Variants in RFTN1 observed in about 807,000 individuals in gnomAD.
RFTN1 encodes the protein raftlin.
In RFTN1, 26 loss-of-function variants were observed where a neutral mutation model predicts 46.5. That is an observed-to-expected ratio of 0.56 (90% CI 0.41 to 0.78). The LOEUF (loss-of-function observed/expected upper bound fraction) is 0.78. Among genes scored for constraint, RFTN1 ranks in the 30% least tolerant of loss-of-function variants. The pLI, the probability that RFTN1 is intolerant of heterozygous loss-of-function variation, is 0.00. For missense variants in RFTN1, 693 were observed against 718.7 expected (o/e 0.96, Z 0.41); for synonymous variants, 261 against 284.2 (o/e 0.92, Z 0.82).
At position 16,489,338 on chromosome 3, in the gene RFTN1, A is replaced by G. The variant is rs996603270; in HGVS notation, c.145+4387T>C. Among the ~76,000 whole-genome samples the G allele has an allele frequency of 6.6e-6, 1 of 152,164 alleles. No homozygotes were observed. Among genetic ancestry groups the G allele is most frequent in the Non-Finnish European group, 1.5e-5 (1 of 68,026 alleles). ...CAGGCTGAGGCACAAGAATTATTTGAACCCAGGAGGTGAAGATTGCAGTGA... is the reference window on the plus strand; with the variant it reads ...CAGGCTGAGGCACAAGAATTATTTGGACCCAGGAGGTGAAGATTGCAGTGA... On this transcript the variant is annotated intron_variant, in intron 2 of 9. Transcript: ENST00000334133. This position sits in a 1 kb window ranked among gnomAD's most constrained non-coding sequence, Gnocchi z 4.0.
At position 16,474,014 on chromosome 3, in the gene RFTN1, C is replaced by G. The variant is rs966224644; in HGVS notation, c.145+19711G>C. Among the ~76,000 whole-genome samples the G allele has an allele frequency of 6.6e-6, 1 of 152,148 alleles. No homozygotes were observed. The highest frequency in any genetic ancestry group is 1.5e-5 in the Non-Finnish European group (1 of 68,024). The stretch of plus-strand genomic sequence containing the variant: ...TTGGAGAGGGATTGATTAGGACAAA[C>G]GCCCTCATTTTGCAGATGAAGGAAT... On this transcript the variant is annotated intron_variant, in intron 2 of 9. Transcript: ENST00000334133. This position sits in a 1 kb window ranked among gnomAD's most constrained non-coding sequence, Gnocchi z 5.5.
chr3:16,324,607 T>G (rs1444866576), intron 8 of RFTN1, among the ~76,000 whole-genome samples: 1 of 114,478 alleles, frequency 8.7e-6, no homozygotes, highest in Non-Finnish European at 1.8e-5. Flanking sequence ...TAACAGAATG[T>G]CCCTGACCCC....
At position 16,320,356 on chromosome 3, in the gene RFTN1, C is replaced by T. The variant is rs75169646; in HGVS notation, c.1332+3020G>A. Among the ~76,000 whole-genome samples, 7 of 152,334 alleles carry T rather than the reference C, an allele frequency of 4.6e-5. No homozygotes were observed. In the East Asian group the frequency reaches 9.6e-4, roughly 21 times the overall value. Reference sequence around the variant, plus strand: ...AAGAAGACTAAATATGCCACATCCTCGGTGTGCCAATCTTGCAGTTTCTTT... The same window carrying T: ...AAGAAGACTAAATATGCCACATCCTTGGTGTGCCAATCTTGCAGTTTCTTT... On this transcript the variant is annotated intron_variant, in intron 9 of 9. Coordinates refer to ENST00000334133, the MANE Select transcript of RFTN1 (RefSeq NM_015150.2). The surrounding 1 kb of genome is among the most constrained non-coding windows in gnomAD (Gnocchi z 4.5).
At position 16,411,111 on chromosome 3, in the gene RFTN1, TC is replaced by T. The variant is rs577876282; in HGVS notation, c.333-1629del. 3.0e-3 allele frequency among the ~76,000 whole-genome samples: 453 copies of T among 152,196 alleles called. 3 individuals carry two copies. The highest frequency in any genetic ancestry group is 0.01 in the African/African-American group (423 of 41,528). On this transcript the variant is annotated intron_variant, in intron 3 of 9. Transcript: ENST00000334133. ...ACTGGTGGAGGAGGGAGCAGAGCCC[TC>T]CTGGCCCACTTATGAGGCTGTTCTA... is the stretch of plus-strand genomic sequence containing the variant.
At chr3:16,445,048 T>C (rs1053541263) in intron 2 of RFTN1, among the ~76,000 whole-genome samples, 1 of 152,196 alleles carries the variant, frequency 6.6e-6, no homozygotes, top group African/African-American at 2.4e-5. Flanking sequence ...TATGGTAAAA[T>C]TGGTTTCATT....
chr3:16,471,073 T>C (rs1043909814), intron 2 of RFTN1, among the ~76,000 whole-genome samples: 1 of 152,236 alleles, frequency 6.6e-6, no homozygotes, highest in African/African-American at 2.4e-5. Flanking sequence ...TTTTTATATC[T>C]GTTCCCAAAA....
chr3:16,328,329 G>C (rs754371053), intron 7 of RFTN1, among the ~76,000 whole-genome samples: 2 of 152,360 alleles, frequency 1.3e-5, no homozygotes, highest in Non-Finnish European at 2.9e-5. Context: ...GGTCTGGAGT[G>C]CTCCACTCAG....
chr3:16,470,204 A>T (rs2076169954), intron 2 of RFTN1, among the ~76,000 whole-genome samples: 1 of 152,114 alleles, frequency 6.6e-6, no homozygotes, highest in Non-Finnish European at 1.5e-5. Context: ...TCTCCTGCAG[A>T]TAACAACTAT....
chr3:16,344,332 T>TG lies in RFTN1; in HGVS notation c.1146+13599_1146+13600insC, dbSNP rs1385639061. On this transcript the variant is annotated intron_variant, in intron 7 of 9. Coordinates refer to ENST00000334133, the MANE Select transcript of RFTN1 (RefSeq NM_015150.2). The surrounding 1 kb of genome is among the most constrained non-coding windows in gnomAD (Gnocchi z 4.4). Reference sequence around the variant, plus strand: ...GGATTAGATCAGTAATTTTCAAGGTTTTTTTTTTTTAATTAGTAGGATGCT... The same window carrying TG: ...GGATTAGATCAGTAATTTTCAAGGTTGTTTTTTTTTTAATTAGTAGGATGCT... 1.3e-5 allele frequency among the ~76,000 whole-genome samples: 2 copies of TG among 149,238 alleles called. No individual in the cohort carries two copies. Among genetic ancestry groups the TG allele is most frequent in the Admixed American group, 6.9e-5 (1 of 14,568 alleles).
rs1575312419 is a variant in RFTN1 at position 16,451,080 on chromosome 3, A to G, written c.146-17043T>C. On this transcript the variant is annotated intron_variant, in intron 2 of 9. Coordinates refer to ENST00000334133, the MANE Select transcript of RFTN1 (RefSeq NM_015150.2). This position sits in a 1 kb window ranked among gnomAD's most constrained non-coding sequence, Gnocchi z 4.2. ...GCTCACTAAGGTCAGGGGCTTGGAT[A>G]AACTCTCATTATGAGAAAACATGCA... 1.3e-5 allele frequency among the ~76,000 whole-genome samples: 2 copies of G among 152,316 alleles called. No homozygotes were observed. The highest frequency in any genetic ancestry group is 4.1e-4 in the South Asian group (2 of 4,820).
rs1336070146 is a variant in RFTN1, at chr3:16,402,272, G to A, written c.441+7103C>T. ...CTTTCAATGTATCCATTAACTCGAC[G>A]CTTATGTATTAAGTCCTGAAGACAC... On this transcript the variant is annotated intron_variant, in intron 4 of 9. Transcript: ENST00000334133. This position sits in a 1 kb window ranked among gnomAD's most constrained non-coding sequence, Gnocchi z 4.5. Among the ~76,000 whole-genome samples, 5 of 152,060 alleles carry A rather than the reference G, an allele frequency of 3.3e-5. No homozygotes were observed. Among genetic ancestry groups the A allele is most frequent in the Non-Finnish European group, 5.9e-5 (4 of 68,016 alleles).
rs1029380277 is a variant in RFTN1, at chr3:16,452,783, C to T, written c.146-18746G>A. Among the ~76,000 whole-genome samples the T allele has an allele frequency of 3.3e-5, 5 of 152,008 alleles. No individual in the cohort carries two copies. The highest frequency in any genetic ancestry group is 9.7e-5 in the African/African-American group (4 of 41,364). ...GTGGAGAAATGCAACCAAGTCAGGC[C>T]GAAGACAGTCAACTGTTATGTGACA... On this transcript the variant is annotated intron_variant, in intron 2 of 9. Transcript: ENST00000334133. The surrounding 1 kb of genome is among the most constrained non-coding windows in gnomAD (Gnocchi z 6.3).
At position 16,450,696 on chromosome 3, in the gene RFTN1, G is replaced by A. The variant is rs1169968857; in HGVS notation, c.146-16659C>T. ...TAACAAATGCTATAAAACTAATCTA[G>A]TGTCTGTTCCACAACCTTCAGAGAA... is the stretch of plus-strand genomic sequence containing the variant. On this transcript the variant is annotated intron_variant, in intron 2 of 9. Coordinates refer to ENST00000334133, the MANE Select transcript of RFTN1 (RefSeq NM_015150.2). The surrounding 1 kb of genome is among the most constrained non-coding windows in gnomAD (Gnocchi z 4.6). 2.6e-5 allele frequency among the ~76,000 whole-genome samples: 4 copies of A among 152,160 alleles called. No individual in the cohort carries two copies. The highest frequency in any genetic ancestry group is 9.7e-5 in the African/African-American group (4 of 41,440).
chr3:16,404,134 TATATA>T (rs2074750972), intron 4 of RFTN1, among the ~76,000 whole-genome samples: 1 of 53,920 alleles, frequency 1.9e-5, no homozygotes, highest in Non-Finnish European at 3.0e-5. Flanking sequence ...TTATATATAA[TATATA>T]ATATACATTT....
chr3:16,377,664 A>C, intron 5 of RFTN1, 54 bp downstream of exon 5: 1 of 1,520,846 alleles, frequency 6.6e-7, no homozygotes, highest in Non-Finnish European at 8.8e-7. Flanking sequence ...GATTAATGAA[A>C]AGCTGTTAGC....
At chr3:16,439,031 G>T (rs1366810723) in intron 2 of RFTN1, among the ~76,000 whole-genome samples, 1 of 152,116 alleles carries the variant, frequency 6.6e-6, no homozygotes, top group East Asian at 1.9e-4. Context: ...TGTATCTCCT[G>T]TCAAAGCTGA....
chr3:16,472,431 A>C (rs1198674666), intron 2 of RFTN1: 2 of 152,254 alleles, frequency 1.3e-5, no homozygotes, highest in African/African-American at 4.8e-5. Flanking sequence ...CCTCTAGCCC[A>C]GTTCTCGTTT....
Position 16,433,782 on chromosome 3 carries a change from C to T in RFTN1, c.332+69G>A. 2 of 1,531,322 alleles carry T rather than the reference C, an allele frequency of 1.3e-6. No homozygotes were observed. Among genetic ancestry groups the T allele is most frequent in the Non-Finnish European group, 1.8e-6 (2 of 1,106,078 alleles). 94.9% of individuals were successfully genotyped at this position (1,531,322 alleles called of 1,614,324 possible). ...TTCAACCCCCAACCCCATCCTCTCA[C>T]TTCCCCTCCTCTATTGAGCATAACT... On this transcript the variant is annotated intron_variant, in intron 3 of 9. Transcript: ENST00000334133. The surrounding 1 kb of genome is among the most constrained non-coding windows in gnomAD (Gnocchi z 4.4).
rs2073457245 is a variant in RFTN1 at position 16,370,637 on chromosome 3, C to T, written c.827-358G>A. Among the ~76,000 whole-genome samples, 1 of 152,160 alleles carries T rather than the reference C, an allele frequency of 6.6e-6. No homozygotes were observed. Among genetic ancestry groups the T allele is most frequent in the Non-Finnish European group, 1.5e-5 (1 of 68,024 alleles). On this transcript the variant is annotated intron_variant, in intron 5 of 9. Coordinates refer to ENST00000334133, the MANE Select transcript of RFTN1 (RefSeq NM_015150.2). This position sits in a 1 kb window ranked among gnomAD's most constrained non-coding sequence, Gnocchi z 5.5. ...CAAAGATGTGTTTTAGAAATAAAAG[C>T]AGACATACTTGGGTGAGAATGGTCT...
Sources: allele counts gnomAD v4.1 joint callset (sites outside exome capture counted in the v4.1 genomes callset), GRCh38; gene constraint gnomAD v4.1.1; non-coding constraint Gnocchi (gnomAD v3.1); transcripts MANE v1.5; gene names NCBI Gene and HGNC (gene_info 2026-07-23, HGNC 2026-07-21).